Variants in DDX31 observed in about 807,000 individuals in gnomAD.
DDX31 encodes the protein DEAD-box helicase 31.
In DDX31, 70 loss-of-function variants were observed where a neutral mutation model predicts 91.3. That is an observed-to-expected ratio of 0.77 (90% CI 0.63 to 0.94). The LOEUF (loss-of-function observed/expected upper bound fraction) is 0.94. Among genes scored for constraint, DDX31 ranks in the 40% least tolerant of loss-of-function variants. The probability of loss-of-function intolerance (pLI) is 0.00; values close to 1 mark genes in which losing one functional copy is unlikely to be tolerated. For missense variants in DDX31, 902 were observed against 925.0 expected (o/e 0.98, Z 0.32); for synonymous variants, 362 against 350.6 (o/e 1.03, Z -0.36).
intron 17 of DDX31, among the ~76,000 whole-genome samples, chr9:132,619,956 T>C (rs1831910187): frequency 6.6e-6 from 1 of 152,082 alleles, no homozygotes; most frequent in Non-Finnish European, 1.5e-5. Flanking sequence ...CCTCTGTTAT[T>C]AAAAAGTAAA....
intron 13 of DDX31, among the ~76,000 whole-genome samples, chr9:132,643,660 A>T (rs1833637952): frequency 6.6e-6 from 1 of 152,184 alleles, no homozygotes; most frequent in South Asian, 2.1e-4. Context: ...TGAGGCACAG[A>T]CAGGTTAAGG....
At chr9:132,630,540 G>A in intron 15 of DDX31, 137 bp from the exon 16 acceptor site, 1 of 868,946 alleles carries the variant, frequency 1.2e-6, no homozygotes, top group East Asian at 3.0e-5. Flanking sequence ...ACAATCACAA[G>A]GAGAAGTCAC....
At position 132,652,488 on chromosome 9, in the gene DDX31, C is replaced by G. The variant is rs750180431; in HGVS notation, c.593G>C (p.Ser198Thr). 1.2e-6 allele frequency: 2 copies of G among 1,614,128 alleles called. No homozygotes were observed. The highest frequency in any genetic ancestry group is 1.7e-5 in the Admixed American group (1 of 60,026). Residue 198 changes from serine (S) to threonine (T), a missense_variant, in exon 7 of 20, where the codon AGT becomes ACT. Physicochemically the swap from Ser to Thr is moderately conservative, Grantham distance 58. Transcript: ENST00000372159. ...LQAMESKIQR[S>T]DGPYALVLVP... The stretch of plus-strand genomic sequence containing the variant: ...GAGCACCAGGGCATAGGGGCCATCA[C>G]TGCGCTGTTGACACACAGAAAAAAA...
chr9:132,646,015 G>C lies in DDX31; in HGVS notation c.1260C>G (p.Phe420Leu), dbSNP rs763448707. The change falls in exon 13 of 20, where the codon TTC (phenylalanine) becomes TTG (leucine). Residue 420 changes from phenylalanine to leucine, a missense_variant. Transcript: ENST00000372159. ...VFFSSCELVE[F>L]HYSLFLQTLL... ...GGGTCTGTAGGAAGAGGCTGTAGTGGAACTCCACCAGCTCGCAACTTGAGA... is the reference window on the plus strand; with the variant it reads ...GGGTCTGTAGGAAGAGGCTGTAGTGCAACTCCACCAGCTCGCAACTTGAGA... 1 of 1,614,112 alleles carries C rather than the reference G, an allele frequency of 6.2e-7. No individual in the cohort carries two copies. Among genetic ancestry groups the C allele is most frequent in the Non-Finnish European group, 8.5e-7 (1 of 1,180,022 alleles).
Position 132,618,420 on chromosome 9 carries a change from G to T in DDX31, c.1735C>A (p.Gln579Lys), listed in dbSNP as rs753292924. 28 of 1,611,496 alleles carry T rather than the reference G, an allele frequency of 1.7e-5. No individual in the cohort carries two copies. Among genetic ancestry groups the T allele is most frequent in the Non-Finnish European group, 2.4e-5 (28 of 1,178,974 alleles). The change falls in exon 18 of 20, where the codon CAG becomes AAG. Residue 579 changes from glutamine (Q) to lysine (K), a missense_variant. Coordinates refer to ENST00000372159, the MANE Select transcript of DDX31 (RefSeq NM_022779.9). ...ACTGTGGCTCGCTCTCGGATTTCCT[G>T]GGGGCCAACAGCATGGGATTTCTGA... ...GAQKSHAVGP[Q>K]EIRERATVLQ...
intron 17 of DDX31, among the ~76,000 whole-genome samples, chr9:132,619,644 T>C (rs1386398617): frequency 2.0e-5 from 3 of 152,232 alleles, no homozygotes; most frequent in Admixed American, 1.3e-4. Flanking sequence ...ACCTGTTTGG[T>C]TGATGACAGT....
At chr9:132,606,460 C>T (rs748176507) in intron 19 of DDX31, among the ~76,000 whole-genome samples, 32 of 152,304 alleles carry the variant, frequency 2.1e-4, no homozygotes, top group Middle Eastern at 3.4e-3. Context: ...GGTTGAAGTT[C>T]ACTTTTCGTA....
intron 14 of DDX31, among the ~76,000 whole-genome samples, chr9:132,634,594 T>TG (rs1345321678): frequency 1.3e-5 from 2 of 150,048 alleles, no homozygotes; most frequent in African/African-American, 4.9e-5. Flanking sequence ...TGTTTTTTTT[T>TG]TTTTTTTTTT....
In DDX31 at chr9:132,661,280, T is replaced by C. The variant is rs377746890; in HGVS notation, c.409-29A>G. The stretch of plus-strand genomic sequence containing the variant: ...AAAGAGGAGATGAAAAAGCTTTAAT[T>C]AATATTTTGATACAAAATATTTAAC... On this transcript the variant is annotated intron_variant, in intron 3 of 19. Transcript: ENST00000372159. 18 of 1,523,204 alleles carry C rather than the reference T, an allele frequency of 1.2e-5. No individual in the cohort carries two copies. The African/African-American group carries it at 2.2e-4, about 19-fold the overall frequency. 94.4% of individuals were successfully genotyped at this position (1,523,204 alleles called of 1,614,324 possible).
At chr9:132,648,675 A>AATCATG in intron 9 of DDX31, 124 bp from the exon 10 acceptor site, 1 of 1,156,886 alleles carries the variant, frequency 8.6e-7, no homozygotes, top group Non-Finnish European at 1.2e-6. Flanking sequence ...CATAGCCTGA[A>AATCATG]ATCATGACAA....
chr9:132,617,514 G>C (rs1271658426), intron 18 of DDX31, among the ~76,000 whole-genome samples: 1 of 152,062 alleles, frequency 6.6e-6, no homozygotes, highest in Non-Finnish European at 1.5e-5. Flanking sequence ...CAAATGAATG[G>C]TTTTTAAAGC....
chr9:132,652,496 T>C lies in DDX31; in HGVS notation c.589-4A>G, dbSNP rs1391199218. ...GGGCATAGGGGCCATCACTGCGCTG[T>C]TGACACACAGAAAAAAAATGCCATG... On this transcript the variant is annotated splice_polypyrimidine_tract_variant and splice_region_variant and intron_variant, in intron 6 of 19. Transcript: ENST00000372159. The C allele has an allele frequency of 4.3e-6, 7 of 1,614,000 alleles. No homozygotes were observed. The highest frequency in any genetic ancestry group is 5.9e-6 in the Non-Finnish European group (7 of 1,180,000).
intron 15 of DDX31, 143 bp from the exon 16 acceptor site, chr9:132,630,546 G>T: frequency 1.3e-6 from 1 of 796,504 alleles, no homozygotes; most frequent in Non-Finnish European, 1.8e-6. Flanking sequence ...ACAAGGAGAA[G>T]TCACCCAACC....
intron 14 of DDX31, among the ~76,000 whole-genome samples, chr9:132,639,898 T>C (rs1266241460): frequency 1.3e-5 from 2 of 152,222 alleles, no homozygotes; most frequent in African/African-American, 4.8e-5. Flanking sequence ...GAACATTCAC[T>C]TCTCAGATAA....
chr9:132,660,876 TTAC>T (rs1237046379), intron 4 of DDX31, among the ~76,000 whole-genome samples: 1 of 152,210 alleles, frequency 6.6e-6, no homozygotes, highest in African/African-American at 2.4e-5. Flanking sequence ...ACCCTAATTC[TTAC>T]TACTAAGAAA....
chr9:132,607,521 CA>C (rs1161179934), intron 19 of DDX31, among the ~76,000 whole-genome samples: 1 of 152,172 alleles, frequency 6.6e-6, no homozygotes, highest in African/African-American at 2.4e-5. Flanking sequence ...TGGCAGAAGT[CA>C]GGGGTAAAAC....
rs765006469 is a variant in DDX31, at chr9:132,646,009, G to A, written c.1266C>T (p.Tyr422=). Residue 422 remains tyrosine (Y), a synonymous_variant, in exon 13 of 20, where the codon TAC becomes TAT. Transcript: ENST00000372159. ...FSSCELVEFH[Y]SLFLQTLLSS... ...TCAGCAGGGTCTGTAGGAAGAGGCT[G>A]TAGTGGAACTCCACCAGCTCGCAAC... 3 of 1,614,160 alleles carry A rather than the reference G, an allele frequency of 1.9e-6. No individual in the cohort carries two copies. The highest frequency in any genetic ancestry group is 1.3e-5 in the African/African-American group (1 of 75,038).
chr9:132,650,211 A>C, intron 9 of DDX31, 23 bp downstream of exon 9: 1 of 1,612,380 alleles, frequency 6.2e-7, no homozygotes. Context: ...GAAGGAAACA[A>C]CAACCAACAA....
chr9:132,611,514 C>G (rs961496614), intron 19 of DDX31, among the ~76,000 whole-genome samples: 9 of 152,212 alleles, frequency 5.9e-5, no homozygotes, highest in Non-Finnish European at 4.4e-5. Flanking sequence ...GGCAATACCC[C>G]TCCCTCTCCT....
Sources: allele counts gnomAD v4.1 joint callset (sites outside exome capture counted in the v4.1 genomes callset), GRCh38; gene constraint gnomAD v4.1.1; transcripts MANE v1.5; gene names NCBI Gene and HGNC (gene_info 2026-07-23, HGNC 2026-07-21).